Variants in TAF2 observed in about 807,000 individuals in gnomAD.
The protein encoded by TAF2 is transcription initiation factor TFIID subunit 2.
Under a neutral mutation model 138.5 loss-of-function variants are expected in TAF2, and 61 were observed. The observed-to-expected ratio is 0.44, with a 90% CI of 0.36 to 0.54. TAF2 has a LOEUF of 0.54. Among genes scored for constraint, TAF2 ranks in the 20% least tolerant of loss-of-function variants. TAF2 has a pLI of 0.00. For missense variants in TAF2, 1,090 were observed against 1,427.9 expected (o/e 0.76, Z 3.81); for synonymous variants, 475 against 469.9 (o/e 1.01, Z -0.14).
At chr8:119,794,974 T>G (rs1414627633) in intron 9 of TAF2, among the ~76,000 whole-genome samples, 2 of 152,098 alleles carry the variant, frequency 1.3e-5, no homozygotes, top group African/African-American at 4.8e-5. Context: ...AATGTTTATG[T>G]ATATGACCAC....
intron 2 of TAF2, among the ~76,000 whole-genome samples, chr8:119,825,593 G>C (rs1826043272): frequency 6.6e-6 from 1 of 152,170 alleles, no homozygotes; most frequent in African/African-American, 2.4e-5. Flanking sequence ...TGCGTTGTGG[G>C]AGGGACCCAG....
intron 1 of TAF2, 100 bp downstream of exon 1, chr8:119,832,382 C>G: frequency 9.1e-7 from 1 of 1,093,122 alleles, no homozygotes. Flanking sequence ...TAGTTTCCCA[C>G]TAGGTTTCCC....
intron 6 of TAF2, among the ~76,000 whole-genome samples, chr8:119,799,615 T>C (rs985078206): frequency 1.3e-5 from 2 of 152,230 alleles, no homozygotes; most frequent in Non-Finnish European, 2.9e-5. Context: ...TAAACACACA[T>C]GTGCATCTGT....
At chr8:119,817,061 T>C (rs1462363541) in intron 3 of TAF2, among the ~76,000 whole-genome samples, 1 of 152,056 alleles carries the variant, frequency 6.6e-6, no homozygotes, top group Middle Eastern at 3.2e-3. Flanking sequence ...TCAAGCATAG[T>C]AGACAATTAT....
At position 119,731,511 on chromosome 8, in the gene TAF2, T is replaced by C. The variant is rs535240988; in HGVS notation, c.*413A>G. On this transcript the variant is annotated 3_prime_UTR_variant, in exon 26 of 26. Transcript: ENST00000378164. ...TACAATATTTCACTGGAGATAGTGG[T>C]TGCACCACAGATTTGGCAGTTGCTT... 8.6e-6 allele frequency: 2 copies of C among 232,206 alleles called. No individual in the cohort carries two copies. The highest frequency in any genetic ancestry group is 1.7e-5 in the Non-Finnish European group (2 of 116,274). 14.4% of individuals were successfully genotyped at this position (232,206 alleles called of 1,614,324 possible). A position where few individuals can be genotyped will look rare whatever the true frequency, so the allele number is the denominator to read the frequency against.
intron 18 of TAF2, among the ~76,000 whole-genome samples, chr8:119,776,776 C>T (rs1451957268): frequency 6.6e-6 from 1 of 152,180 alleles, no homozygotes; most frequent in African/African-American, 2.4e-5. Context: ...AATCTTCCTA[C>T]ATGGGTCCTA....
intron 17 of TAF2, 146 bp downstream of exon 17, chr8:119,780,907 C>T (rs1586414017): frequency 1.2e-6 from 1 of 828,678 alleles, no homozygotes; most frequent in East Asian, 2.9e-5. Context: ...TGCATTCCAG[C>T]CTGGGCGACA....
chr8:119,793,315 T>C (rs375591757), intron 10 of TAF2, 51 bp downstream of exon 10: 13 of 1,448,846 alleles, frequency 9.0e-6, no homozygotes, highest in East Asian at 4.6e-5. Flanking sequence ...AATGGAATAA[T>C]TGTTATATAT....
chr8:119,816,490 T>C (rs916423438), intron 3 of TAF2, among the ~76,000 whole-genome samples: 18 of 152,210 alleles, frequency 1.2e-4, no homozygotes, highest in Admixed American at 6.5e-4. Flanking sequence ...AATGGTAAAA[T>C]CAAATTTACC....
rs1288914246 is a variant in TAF2, at chr8:119,744,408, C to T, written c.3109-15G>A. The T allele has an allele frequency of 5.6e-6, 9 of 1,597,738 alleles. No homozygotes were observed. Among genetic ancestry groups the T allele is most frequent in the Non-Finnish European group, 7.7e-6 (9 of 1,166,402 alleles). On this transcript the variant is annotated splice_polypyrimidine_tract_variant and intron_variant, in intron 23 of 25. Transcript: ENST00000378164. ...GAACTGGAAAACTAAAACACACACACATAAAACAGAGGATAAAAGAACCAT... is the reference window on the plus strand; with the variant it reads ...GAACTGGAAAACTAAAACACACACATATAAAACAGAGGATAAAAGAACCAT...
intron 18 of TAF2, among the ~76,000 whole-genome samples, chr8:119,769,863 T>C (rs1821703606): frequency 6.6e-6 from 1 of 151,632 alleles, no homozygotes; most frequent in Non-Finnish European, 1.5e-5. Flanking sequence ...GTTCAAGCGA[T>C]TATCCTGTCT....
intron 18 of TAF2, among the ~76,000 whole-genome samples, chr8:119,767,615 G>C (rs4871578): frequency 1.3e-5 from 2 of 152,108 alleles, no homozygotes; most frequent in African/African-American, 4.8e-5. Context: ...TGAGCAGTCA[G>C]GTGCCAGCTG....
At chr8:119,799,227 T>A (rs773661005) in intron 6 of TAF2, among the ~76,000 whole-genome samples, 2 of 152,194 alleles carry the variant, frequency 1.3e-5, no homozygotes, top group African/African-American at 2.4e-5. Flanking sequence ...TAAATATGTA[T>A]ACATGTGCCA....
rs142952437 is a variant in TAF2 at position 119,792,402 on chromosome 8, C to T, written c.1278-943G>A. Among the ~76,000 whole-genome samples, 1,398 of 152,120 alleles carry T rather than the reference C, an allele frequency of 9.2e-3. 15 individuals carry two copies. Among genetic ancestry groups the T allele is most frequent in the Non-Finnish European group, 0.015 (1,018 of 67,972 alleles). ...CCTGAACTCTGGTGATCCACCTGCC[C>T]AGCGTCCCAAAGTGCTGGGATTACA... On this transcript the variant is annotated intron_variant, in intron 10 of 25. Coordinates refer to ENST00000378164, the MANE Select transcript of TAF2 (RefSeq NM_003184.4).
At chr8:119,793,321 T>C (rs1011859724) in intron 10 of TAF2, 45 bp downstream of exon 10, 4 of 1,479,790 alleles carry the variant, frequency 2.7e-6, no homozygotes, top group Non-Finnish European at 3.8e-6. Flanking sequence ...ATAATTGTTA[T>C]ATATAGTCAA....
chr8:119,795,593 A>G lies in TAF2; in HGVS notation c.1130T>C (p.Ile377Thr). The change falls in exon 9 of 26, where the codon ATC (isoleucine) becomes ACC (threonine). Residue 377 changes from isoleucine (I) to threonine (T), a missense_variant. Coordinates refer to ENST00000378164, the MANE Select transcript of TAF2 (RefSeq NM_003184.4). Reference protein sequence around the residue: ...EWVLKGISGYIYGLWMKKTFG... With the variant: ...EWVLKGISGYTYGLWMKKTFG... ...AGTTTTTTTCATCCAAAGTCCATAGATATAGCCTGAAATTCCCTTCAGCAC... is the reference window on the plus strand; with the variant it reads ...AGTTTTTTTCATCCAAAGTCCATAGGTATAGCCTGAAATTCCCTTCAGCAC... The G allele has an allele frequency of 6.2e-7, 1 of 1,613,858 alleles. No homozygotes were observed. The highest frequency in any genetic ancestry group is 8.5e-7 in the Non-Finnish European group (1 of 1,179,834).
intron 3 of TAF2, among the ~76,000 whole-genome samples, chr8:119,818,747 C>T (rs934049913): frequency 7.1e-6 from 1 of 141,538 alleles, no homozygotes; most frequent in Non-Finnish European, 1.5e-5. Flanking sequence ...CACACACACA[C>T]ACACACACAC....
At chr8:119,827,169 A>T (rs1826155183) in intron 2 of TAF2, among the ~76,000 whole-genome samples, 1 of 152,106 alleles carries the variant, frequency 6.6e-6, no homozygotes, top group African/African-American at 2.4e-5. Flanking sequence ...ACTCCAGCCT[A>T]GGCGACAGTG....
chr8:119,732,196 T>TA lies in TAF2; in HGVS notation c.3338-11dup, dbSNP rs760575848. 1.9e-6 allele frequency: 3 copies of TA among 1,612,664 alleles called. No homozygotes were observed. The Admixed American group carries it at 5.0e-5, about 27-fold the overall frequency. ...GGTGCTTGTTCTTTACCTTCAAGATTAAAAATACCCAAATGAATTCCTGCT... is the reference window on the plus strand; with the variant it reads ...GGTGCTTGTTCTTTACCTTCAAGATTAAAAAATACCCAAATGAATTCCTGCT... On this transcript the variant is annotated splice_polypyrimidine_tract_variant and intron_variant, in intron 25 of 25. Transcript: ENST00000378164.
Sources: gnomAD v4.1 joint callset for allele counts (sites outside exome capture counted in the v4.1 genomes callset) on GRCh38, gnomAD v4.1.1 for gene constraint, MANE v1.5 for transcripts, NCBI Gene and HGNC (gene_info 2026-07-23, HGNC 2026-07-21) for gene names.